TAPT1: variants seen among roughly 807,000 people sequenced by gnomAD.
TAPT1 encodes the protein transmembrane anterior posterior transformation protein 1 homolog.
TAPT1 carries 28 observed loss-of-function variants against 65.6 expected under a neutral mutation model. That is an observed-to-expected ratio of 0.43 (90% CI 0.32 to 0.59). The LOEUF (loss-of-function observed/expected upper bound fraction) is 0.59, where lower values mean the gene tolerates loss of function less well. TAPT1 is among the 20% of genes least tolerant of loss of function. The pLI is 0.09. For synonymous variants in TAPT1, 278 were observed against 245.2 expected, an observed-to-expected ratio of 1.13 and a Z score of -1.25; for missense variants, 563 against 679.9, an observed-to-expected ratio of 0.83 and a Z score of 1.91.
intron 2 of TAPT1, among the ~76,000 whole-genome samples, chr4:16,211,809 T>G (rs1189638249): frequency 6.6e-6 from 1 of 152,256 alleles, no homozygotes; most frequent in African/African-American, 2.4e-5. Context: ...CAACTTATAC[T>G]GATTACTTGA....
chr4:16,214,273 G>C (rs957348154), intron 1 of TAPT1, among the ~76,000 whole-genome samples: 2 of 152,144 alleles, frequency 1.3e-5, no homozygotes, highest in African/African-American at 4.8e-5. Context: ...AGAGTCAAAA[G>C]GGAGCAAAGT....
In TAPT1 at chr4:16,161,889, A is replaced by T. The variant is rs1747271236; in HGVS notation, c.*1419T>A. 6.6e-6 allele frequency: 1 copy of T among 152,204 alleles called. No homozygotes were observed. The highest frequency in any genetic ancestry group is 6.5e-5 in the Admixed American group (1 of 15,282). The allele number at this position is 152,204 out of a possible 1,614,324, so 9.4% of individuals were successfully genotyped here. A position where few individuals can be genotyped will look rare whatever the true frequency, so the allele number is the denominator to read the frequency against. ...GCCTGAAACATTTGCATGAGAGCTA[A>T]ACTTCAAAATCAAAACATCAAAGGA... On this transcript the variant is annotated 3_prime_UTR_variant, in exon 14 of 14. Coordinates refer to ENST00000405303, the MANE Select transcript of TAPT1 (RefSeq NM_153365.3).
intron 1 of TAPT1, among the ~76,000 whole-genome samples, chr4:16,224,152 G>A (rs1158995742): frequency 1.3e-5 from 2 of 152,152 alleles, no homozygotes; most frequent in African/African-American, 2.4e-5. Context: ...TTTGATTCAG[G>A]GAGAAATGCT....
Position 16,197,512 on chromosome 4 carries a change from G to T in TAPT1, c.449+4950C>A, listed in dbSNP as rs565562736. Reference sequence around the variant, plus strand: ...AAGTCACAAATTTCAGGAGAATAGAGGGCTGACAAAAATGCCAGGTAAATC... The same window carrying T: ...AAGTCACAAATTTCAGGAGAATAGATGGCTGACAAAAATGCCAGGTAAATC... On this transcript the variant is annotated intron_variant, in intron 3 of 13. Coordinates refer to ENST00000405303, the MANE Select transcript of TAPT1 (RefSeq NM_153365.3). Among the ~76,000 whole-genome samples the T allele has an allele frequency of 3.3e-5, 5 of 152,248 alleles. No homozygotes were observed. In the South Asian group the frequency reaches 1.0e-3, roughly 32 times the overall value.
intron 7 of TAPT1, among the ~76,000 whole-genome samples, chr4:16,185,377 T>TC (rs1399781342): frequency 1.3e-5 from 2 of 152,110 alleles, no homozygotes; most frequent in East Asian, 3.9e-4. Flanking sequence ...GTAATTTTTT[T>TC]TTTTTTTTGA....
rs749073152 is a variant in TAPT1 at position 16,188,264 on chromosome 4, T to G, written c.704A>C (p.His235Pro). 1.1e-5 allele frequency: 18 copies of G among 1,612,744 alleles called. No homozygotes were observed. Among genetic ancestry groups the G allele is most frequent in the Non-Finnish European group, 1.5e-5 (18 of 1,179,362 alleles). Reference protein sequence around the residue: ...ATEPKERKRAHIGVIPHFFMA... With the variant: ...ATEPKERKRAPIGVIPHFFMA... ...GAAAAAGTGAGGAATCACCCCAATG[T>G]GGGCTCTTTTTCTTTCTTTAGGCTC... is the stretch of plus-strand genomic sequence containing the variant. Residue 235 changes from histidine to proline, a missense_variant, in exon 5 of 14, where the codon CAC (histidine) becomes CCC (proline). Physicochemically the swap from His to Pro is moderately conservative, Grantham distance 77. Coordinates refer to ENST00000405303, the MANE Select transcript of TAPT1 (RefSeq NM_153365.3).
At chr4:16,196,787 T>C (rs572958625) in intron 3 of TAPT1, 195 of 865,068 alleles carry the variant, frequency 2.3e-4, no homozygotes, top group Non-Finnish European at 2.9e-4. Context: ...TAGAGCTCCA[T>C]GGTGAGGAAA....
chr4:16,195,363 G>A (rs1749643226), intron 3 of TAPT1, among the ~76,000 whole-genome samples: 2 of 152,176 alleles, frequency 1.3e-5, no homozygotes, highest in Non-Finnish European at 2.9e-5. Flanking sequence ...CTAAGTGGTG[G>A]TTACTGGCAA....
At position 16,191,280 on chromosome 4, in the gene TAPT1, T is replaced by G. The variant is rs1033504487; in HGVS notation, c.612+81A>C. ...ATAACTAGAGTCGGTAGAGCATTCT[T>G]GACTCTCAGGTACCTTCAGAACTGA... On this transcript the variant is annotated intron_variant, in intron 4 of 13. Coordinates refer to ENST00000405303, the MANE Select transcript of TAPT1 (RefSeq NM_153365.3). 2.8e-6 allele frequency: 4 copies of G among 1,403,670 alleles called. No homozygotes were observed. In the Admixed American group the frequency reaches 9.6e-5, roughly 34 times the overall value. 87.0% of individuals were successfully genotyped at this position (1,403,670 alleles called of 1,614,324 possible). A position where few individuals can be genotyped will look rare whatever the true frequency, so the allele number is the denominator to read the frequency against.
chr4:16,204,662 G>GC (rs1750239918), intron 2 of TAPT1, among the ~76,000 whole-genome samples: 1 of 152,234 alleles, frequency 6.6e-6, no homozygotes, highest in South Asian at 2.1e-4. Flanking sequence ...CCGGGCACTG[G>GC]CCAGGTGCTG....
intron 2 of TAPT1, among the ~76,000 whole-genome samples, chr4:16,213,476 G>A (rs962523116): frequency 6.6e-6 from 1 of 152,168 alleles, no homozygotes; most frequent in Non-Finnish European, 1.5e-5. Context: ...GGAACTAAAA[G>A]GGTACAGAAG....
intron 1 of TAPT1, among the ~76,000 whole-genome samples, chr4:16,217,033 CA>C: frequency 6.6e-6 from 1 of 152,264 alleles, no homozygotes; most frequent in Admixed American, 6.5e-5. Context: ...TCATTTCTCC[CA>C]AACACGTCAA....
chr4:16,223,019 T>A (rs2108902960), intron 1 of TAPT1, among the ~76,000 whole-genome samples: 1 of 152,152 alleles, frequency 6.6e-6, no homozygotes, highest in East Asian at 1.9e-4. Flanking sequence ...TCACAGGTGC[T>A]ACCCTTATTT....
Position 16,213,900 on chromosome 4 carries a change from T to TACAGAAAAGAAAATG in TAPT1, c.200-17_200-3dup. ...TGAGGAACCTCAACAATGAAAGCTC[T>TACAGAAAAGAAAATG]ACAGAAAAGAAAATGACAGAAAACA... On this transcript the variant is annotated splice_region_variant and splice_polypyrimidine_tract_variant and intron_variant, in intron 1 of 13. Coordinates refer to ENST00000405303, the MANE Select transcript of TAPT1 (RefSeq NM_153365.3). The TACAGAAAAGAAAATG allele has an allele frequency of 1.3e-6, 2 of 1,581,650 alleles. No homozygotes were observed. The highest frequency in any genetic ancestry group is 3.4e-4 in the Middle Eastern group (2 of 5,892).
At chr4:16,179,439 T>C (rs960021435) in intron 8 of TAPT1, 138 bp downstream of exon 8, 31 of 546,348 alleles carry the variant, frequency 5.7e-5, no homozygotes, top group Non-Finnish European at 9.1e-5. Flanking sequence ...TGACAGATGA[T>C]TGTTTCACCA....
rs1751568844 is a variant in TAPT1, at chr4:16,226,421, C to G, written c.37G>C (p.Gly13Arg). 1 of 1,085,902 alleles carries G rather than the reference C, an allele frequency of 9.2e-7. No individual in the cohort carries two copies. Among genetic ancestry groups the G allele is most frequent in the Non-Finnish European group, 1.1e-6 (1 of 895,952 alleles). 67.3% of individuals were successfully genotyped at this position (1,085,902 alleles called of 1,614,324 possible). The change falls in exon 1 of 14, where the codon GGC becomes CGC. Residue 13 changes from glycine (G) to arginine (R), a missense_variant. Around this residue, in one of 5 missense-constraint regions of TAPT1, gnomAD observed 103 missense variants for 89.4 expected, o/e 1.15. Coordinates refer to ENST00000405303, the MANE Select transcript of TAPT1 (RefSeq NM_153365.3). Reference protein sequence around the residue: ...GVGDAAAPGEGGGGGVDGPQR... With the variant: ...GVGDAAAPGERGGGGVDGPQR... ...GGGCCGTCCACGCCGCCACCGCCGCCTTCTCCCGGAGCGGCCGCGTCGCCG... is the reference window on the plus strand; with the variant it reads ...GGGCCGTCCACGCCGCCACCGCCGCGTTCTCCCGGAGCGGCCGCGTCGCCG...
chr4:16,201,626 T>G (rs1255584614), intron 3 of TAPT1, among the ~76,000 whole-genome samples: 2 of 152,180 alleles, frequency 1.3e-5, no homozygotes, highest in Non-Finnish European at 2.9e-5. Flanking sequence ...GCTTTTAACC[T>G]CAAGACCAAT....
At chr4:16,207,254 T>C (rs1750402349) in intron 2 of TAPT1, among the ~76,000 whole-genome samples, 1 of 152,204 alleles carries the variant, frequency 6.6e-6, no homozygotes, top group South Asian at 2.1e-4. Flanking sequence ...GCCATAAATA[T>C]GGGTCTGAGT....
chr4:16,188,448 G>T, intron 4 of TAPT1, 93 bp from the exon 5 acceptor site: 1 of 1,066,158 alleles, frequency 9.4e-7, no homozygotes, highest in Non-Finnish European at 1.3e-6. Flanking sequence ...GGAGATCTGT[G>T]TTTTAAATCC....
Sources: allele counts gnomAD v4.1 joint callset (sites outside exome capture counted in the v4.1 genomes callset), GRCh38; gene constraint gnomAD v4.1.1; regional missense constraint gnomAD v4.1.1; transcripts MANE v1.5; gene names NCBI Gene and HGNC (gene_info 2026-07-23, HGNC 2026-07-21).